PLEKHA6: variants seen among roughly 807,000 people sequenced by gnomAD.
The protein encoded by PLEKHA6 is pleckstrin homology domain-containing family A member 6.
Under a neutral mutation model 116.7 loss-of-function variants are expected in PLEKHA6, and 60 were observed. The observed-to-expected ratio is 0.51, with a 90% CI of 0.42 to 0.64. The LOEUF (loss-of-function observed/expected upper bound fraction) is 0.64, where lower values mean the gene tolerates loss of function less well. Ranked by LOEUF, PLEKHA6 falls within the 30% of genes least tolerant of loss-of-function variation. The pLI is 0.00. For synonymous variants in PLEKHA6, 489 were observed against 556.1 expected (o/e 0.88, Z 1.70); for missense variants, 1,338 against 1,422.7 (o/e 0.94, Z 0.96).
At chr1:204,322,570 G>A (rs1474895732) in intron 1 of PLEKHA6, among the ~76,000 whole-genome samples, 1 of 152,194 alleles carries the variant, frequency 6.6e-6, no homozygotes, top group Non-Finnish European at 1.5e-5. Flanking sequence ...TTAGCCGGTG[G>A]TCTCAGGCAG....
chr1:204,296,589 A>C (rs758787373), intron 1 of PLEKHA6, among the ~76,000 whole-genome samples: 86 of 151,924 alleles, frequency 5.7e-4, no homozygotes, highest in Admixed American at 1.6e-3. Flanking sequence ...AGCTCCCCCC[A>C]GCTGCCTGGC....
chr1:204,248,937 G>T lies in PLEKHA6; in HGVS notation c.1708C>A (p.Gln570Lys). 3 of 1,614,088 alleles carry T rather than the reference G, an allele frequency of 1.9e-6. No individual in the cohort carries two copies. Among genetic ancestry groups the T allele is most frequent in the Non-Finnish European group, 2.5e-6 (3 of 1,179,992 alleles). The change falls in exon 12 of 23, where the codon CAG becomes AAG. Residue 570 changes from glutamine (Q) to lysine (K), a missense_variant. Transcript: ENST00000272203. ...SLESALMGTHQELEMFGSQPA... is the reference protein window; with the variant it reads ...SLESALMGTHKELEMFGSQPA... ...TGGCTTCCAAACATCTCCAGCTCCT[G>T]GTGGGTCCCCATCAAGGCACTTTCC...
intron 1 of PLEKHA6, among the ~76,000 whole-genome samples, chr1:204,302,876 C>A (rs925296669): frequency 6.7e-6 from 1 of 148,356 alleles, no homozygotes; most frequent in Admixed American, 6.8e-5. Context: ...AACTCCATCT[C>A]AAAGAAAAAG....
At chr1:204,366,723 T>C (rs992334669) in intron 3 of PLEKHA6, among the ~76,000 whole-genome samples, 3 of 152,166 alleles carry the variant, frequency 2.0e-5, no homozygotes, top group Non-Finnish European at 4.4e-5. Flanking sequence ...ATCGCACCAC[T>C]GCACTCCAGC....
chr1:204,364,282 T>C (rs1242312405), upstream of PLEKHA6, among the ~76,000 whole-genome samples: 1 of 152,084 alleles, frequency 6.6e-6, no homozygotes, highest in Non-Finnish European at 1.5e-5. Flanking sequence ...CGTTCATTCA[T>C]TCACTCACTC....
chr1:204,306,280 G>C (rs932258390), intron 1 of PLEKHA6, among the ~76,000 whole-genome samples: 2 of 152,098 alleles, frequency 1.3e-5, no homozygotes, highest in African/African-American at 4.8e-5. Context: ...TCAGATGGCA[G>C]CCAGGCCAGG....
chr1:204,258,545 G>A (rs754252323), intron 8 of PLEKHA6, among the ~76,000 whole-genome samples: 16 of 152,172 alleles, frequency 1.1e-4, no homozygotes, highest in African/African-American at 1.2e-4. Flanking sequence ...CCAGCAATGC[G>A]CAGCCGCTCA....
Position 204,228,301 on chromosome 1 carries a change from C to T in PLEKHA6, c.2886-73G>A. ...CAAGTGGCTTGAGGGGGCCTGCGGA[C>T]TGAGGTTGGCAGGGAGGGCCAGGGC... is the stretch of plus-strand genomic sequence containing the variant. On this transcript the variant is annotated intron_variant, in intron 20 of 22. Coordinates refer to ENST00000272203, the MANE Select transcript of PLEKHA6 (RefSeq NM_014935.5). The surrounding 1 kb of genome is among the most constrained non-coding windows in gnomAD (Gnocchi z 4.0). 6.8e-7 allele frequency: 1 copy of T among 1,467,262 alleles called. No homozygotes were observed. The highest frequency in any genetic ancestry group is 1.3e-5 in the South Asian group (1 of 75,284). 90.9% of individuals were successfully genotyped at this position (1,467,262 alleles called of 1,614,324 possible).
intron 1 of PLEKHA6, among the ~76,000 whole-genome samples, chr1:204,300,217 A>G (rs1028630894): frequency 2.6e-5 from 4 of 152,066 alleles, no homozygotes; most frequent in African/African-American, 9.7e-5. Context: ...CCCTAATTGA[A>G]TTCTCCCTAT....
chr1:204,283,332 T>G (rs946922882), intron 1 of PLEKHA6, among the ~76,000 whole-genome samples: 1 of 152,242 alleles, frequency 6.6e-6, no homozygotes, highest in Non-Finnish European at 1.5e-5. Flanking sequence ...CTGTCTGGTA[T>G]CTTAGTTTTC....
chr1:204,336,458 T>C (rs1198032266), intron 1 of PLEKHA6, among the ~76,000 whole-genome samples: 1 of 152,174 alleles, frequency 6.6e-6, no homozygotes, highest in Non-Finnish European at 1.5e-5. Context: ...AAGCATAGAT[T>C]TGCTGTGAGT....
At chr1:204,343,872 C>T (rs1672934522) in intron 1 of PLEKHA6, among the ~76,000 whole-genome samples, 1 of 152,132 alleles carries the variant, frequency 6.6e-6, no homozygotes, top group Non-Finnish European at 1.5e-5. Context: ...CCTGGTCATT[C>T]CATCTGGAAA....
rs552041323 is a variant in PLEKHA6 at position 204,244,929 on chromosome 1, G to A, written c.2107C>T (p.Pro703Ser). ...SPLSSASLTS[P>S]LSPFSLVSGS... The stretch of plus-strand genomic sequence containing the variant: ...GACACCAGTGAAAAGGGGCTCAGGG[G>A]GCTGGTGAGGCTGGCAGAGCTGAGG... The change falls in exon 15 of 23, where the codon CCC (proline) becomes TCC (serine). Residue 703 changes from proline to serine, a missense_variant. Pro to Ser is a moderately conservative substitution (Grantham distance 74, BLOSUM62 -1). Coordinates refer to ENST00000272203, the MANE Select transcript of PLEKHA6 (RefSeq NM_014935.5). 3.3e-5 allele frequency: 49 copies of A among 1,507,448 alleles called. No homozygotes were observed. Among genetic ancestry groups the A allele is most frequent in the Non-Finnish European group, 4.0e-5 (45 of 1,122,444 alleles). 93.4% of individuals were successfully genotyped at this position (1,507,448 alleles called of 1,614,324 possible).
chr1:204,228,253 A>G lies in PLEKHA6; in HGVS notation c.2886-25T>C. ...ACTGAAGAGGCACAGACACACAGAA[A>G]TGGAGGGAGGGACAGGATGGTCCAA... is the stretch of plus-strand genomic sequence containing the variant. On this transcript the variant is annotated intron_variant, in intron 20 of 22. Transcript: ENST00000272203. This position sits in a 1 kb window ranked among gnomAD's most constrained non-coding sequence, Gnocchi z 4.0. The G allele has an allele frequency of 6.4e-7, 1 of 1,571,304 alleles. No individual in the cohort carries two copies. Among genetic ancestry groups the G allele is most frequent in the East Asian group, 2.3e-5 (1 of 44,028 alleles).
At position 204,267,361 on chromosome 1, in the gene PLEKHA6, G is replaced by A. The variant is rs539531176; in HGVS notation, c.280+114C>T. On this transcript the variant is annotated intron_variant, in intron 5 of 22. Coordinates refer to ENST00000272203, the MANE Select transcript of PLEKHA6 (RefSeq NM_014935.5). ...CCACTGGTGCCAGGACCACAGTGAGGAGATCTGCCCTGCTGGTGCCCATCC... is the reference window on the plus strand; with the variant it reads ...CCACTGGTGCCAGGACCACAGTGAGAAGATCTGCCCTGCTGGTGCCCATCC... 264 of 822,876 alleles carry A rather than the reference G, an allele frequency of 3.2e-4. 4 individuals carry two copies. In the South Asian group the frequency reaches 3.5e-3, roughly 11 times the overall value. 51.0% of individuals were successfully genotyped at this position (822,876 alleles called of 1,614,324 possible).
At position 204,223,521 on chromosome 1, in the gene PLEKHA6, C is replaced by T. The variant is rs1659914328; in HGVS notation, c.3096G>A (p.Leu1032=). The part of the protein sequence containing the change: ...PASPAPPANP[L]SSESPRGADS... The stretch of plus-strand genomic sequence containing the variant: ...CGGCGCCCCGTGGGGATTCAGACGA[C>T]AGGGGGTTTGCTGGAGGAGCCGGGG... Residue 1032 remains leucine, a synonymous_variant, in exon 22 of 23, where the codon CTG becomes CTA. Coordinates refer to ENST00000272203, the MANE Select transcript of PLEKHA6 (RefSeq NM_014935.5). This position sits in a 1 kb window ranked among gnomAD's most constrained non-coding sequence, Gnocchi z 4.8. The T allele has an allele frequency of 6.5e-7, 1 of 1,547,414 alleles. No individual in the cohort carries two copies. The highest frequency in any genetic ancestry group is 8.7e-7 in the Non-Finnish European group (1 of 1,144,982).
chr1:204,261,494 C>G lies in PLEKHA6; in HGVS notation c.382-46G>C. 1 of 1,555,532 alleles carries G rather than the reference C, an allele frequency of 6.4e-7. No homozygotes were observed. The highest frequency in any genetic ancestry group is 8.7e-7 in the Non-Finnish European group (1 of 1,150,550). ...TGGAGCTGGCCTCGGCCTCATCCAC[C>G]CAGCACACAGTCACCTGTTGGGAGA... On this transcript the variant is annotated intron_variant, in intron 6 of 22. Coordinates refer to ENST00000272203, the MANE Select transcript of PLEKHA6 (RefSeq NM_014935.5). This position sits in a 1 kb window ranked among gnomAD's most constrained non-coding sequence, Gnocchi z 4.0.
At chr1:204,304,995 A>G (rs1671154639) in intron 1 of PLEKHA6, among the ~76,000 whole-genome samples, 1 of 152,190 alleles carries the variant, frequency 6.6e-6, no homozygotes, top group African/African-American at 2.4e-5. Flanking sequence ...CCTGAATTTT[A>G]CCATATCCTC....
At chr1:204,375,466 T>C (rs1673852039) in intron 1 of PLEKHA6, among the ~76,000 whole-genome samples, 1 of 152,176 alleles carries the variant, frequency 6.6e-6, no homozygotes, top group African/African-American at 2.4e-5. Context: ...ATATTCCTGA[T>C]TTGGTTCCTG....
Sources: gnomAD v4.1 joint callset for allele counts (sites outside exome capture counted in the v4.1 genomes callset) on GRCh38, gnomAD v4.1.1 for gene constraint, Gnocchi (gnomAD v3.1) non-coding constraint, MANE v1.5 for transcripts, NCBI Gene and HGNC (gene_info 2026-07-23, HGNC 2026-07-21) for gene names.